Variants in C22orf23 observed in about 807,000 individuals in gnomAD.
The protein encoded by C22orf23 is UPF0193 protein EVG1.
A neutral mutation model predicts 29.7 loss-of-function variants in C22orf23; 30 were observed. The observed-to-expected ratio is 1.01, with a 90% CI of 0.76 to 1.37. The LOEUF is 1.37. Ranked by LOEUF, C22orf23 falls within the 40% of genes most tolerant of loss-of-function variation. C22orf23 has a pLI of 0.00. For missense variants in C22orf23, 237 were observed against 273.1 expected (o/e 0.87, Z 0.93); for synonymous variants, 90 against 96.1 (o/e 0.94, Z 0.37).
chr22:37,953,219 G>A (rs935581538), intron 1 of C22orf23, 61 bp from the exon 2 acceptor site: 1 of 1,168,922 alleles, frequency 8.6e-7, no homozygotes, highest in Non-Finnish European at 1.3e-6. Flanking sequence ...TCTGTTCCCC[G>A]ACGCCCAACA....
chr22:37,947,024 C>G (rs1411714480), intron 4 of C22orf23, among the ~76,000 whole-genome samples: 1 of 151,766 alleles, frequency 6.6e-6, no homozygotes, highest in African/African-American at 2.4e-5. Context: ...GCCCTGATAG[C>G]CCCTATCATC....
chr22:37,950,431 T>A (rs1930945741), intron 3 of C22orf23, among the ~76,000 whole-genome samples: 1 of 151,966 alleles, frequency 6.6e-6, no homozygotes, highest in African/African-American at 2.4e-5. Context: ...TTTATTTTAA[T>A]TTAATTTTAT....
At chr22:37,947,550 A>C in intron 3 of C22orf23, 87 bp from the exon 4 acceptor site, 1 of 1,181,310 alleles carries the variant, frequency 8.5e-7, no homozygotes, top group Non-Finnish European at 1.1e-6. Context: ...TTGCTCTGTC[A>C]CTCAGGCTGG....
At position 37,953,086 on chromosome 22, in the gene C22orf23, T is replaced by C. The variant is rs1025446374; in HGVS notation, c.64A>G (p.Thr22Ala). 25 of 1,613,662 alleles carry C rather than the reference T, an allele frequency of 1.5e-5. No homozygotes were observed. In the African/African-American group the frequency reaches 3.1e-4, roughly 20 times the overall value. The change falls in exon 2 of 7, where the codon ACC becomes GCC. Residue 22 changes from threonine (T) to alanine (A), a missense_variant. Physicochemically the swap from Thr to Ala is moderately conservative, Grantham distance 58. Coordinates refer to ENST00000403305, the MANE Select transcript of C22orf23 (RefSeq NM_032561.5). ...KGTGFRRRPKTITYTPGTCEL... is the reference protein window; with the variant it reads ...KGTGFRRRPKAITYTPGTCEL... ...CAGGTCCCCGGGGTGTAAGTGATGG[T>C]CTTGGGGCGGCGCCGGAACCCAGTT...
At chr22:37,949,948 C>T (rs1489842954) in intron 3 of C22orf23, among the ~76,000 whole-genome samples, 5 of 151,870 alleles carry the variant, frequency 3.3e-5, no homozygotes, top group Non-Finnish European at 5.9e-5. Flanking sequence ...TGTGATTCTC[C>T]TGCCTCAGCT....
chr22:37,951,695 A>G (rs951625988), intron 2 of C22orf23, 173 bp from the exon 3 acceptor site: 3 of 380,878 alleles, frequency 7.9e-6, no homozygotes, highest in African/African-American at 4.3e-5. Context: ...AAAATTCTAT[A>G]TATTTTATTT....
At position 37,943,892 on chromosome 22, in the gene C22orf23, T is replaced by G. The variant is rs1601844665; in HGVS notation, c.*283A>C. 2.0e-6 allele frequency: 1 copy of G among 503,884 alleles called. No homozygotes were observed. Among genetic ancestry groups the G allele is most frequent in the South Asian group, 2.7e-5 (1 of 37,422 alleles). 31.2% of individuals were successfully genotyped at this position (503,884 alleles called of 1,614,324 possible). ...TGAACAGGCCACAGGTCAGAAGTGGTGGGAAGCAGGCCCAGTGGATACCTT... is the reference window on the plus strand; with the variant it reads ...TGAACAGGCCACAGGTCAGAAGTGGGGGGAAGCAGGCCCAGTGGATACCTT... On this transcript the variant is annotated 3_prime_UTR_variant, in exon 7 of 7. Coordinates refer to ENST00000403305, the MANE Select transcript of C22orf23 (RefSeq NM_032561.5).
At chr22:37,953,205 A>T in intron 1 of C22orf23, 47 bp from the exon 2 acceptor site, 1 of 1,350,012 alleles carries the variant, frequency 7.4e-7, no homozygotes, top group Non-Finnish European at 1.0e-6. Flanking sequence ...TCCTGTCCCT[A>T]ATCTCTGTTC....
At chr22:37,946,233 T>G (rs1339184039) in intron 4 of C22orf23, among the ~76,000 whole-genome samples, 1 of 149,424 alleles carries the variant, frequency 6.7e-6, no homozygotes, top group African/African-American at 2.5e-5. Context: ...CACTCCAGCC[T>G]GGGCGACAGA....
At chr22:37,952,999 C>T (rs1931157251) in intron 2 of C22orf23, 48 bp downstream of exon 2, 2 of 1,412,358 alleles carry the variant, frequency 1.4e-6, no homozygotes, top group South Asian at 1.2e-5. Flanking sequence ...TCCACGAAAC[C>T]GGTCCCTGGT....
chr22:37,950,901 C>CT (rs1930972932), intron 3 of C22orf23: 1 of 130,902 alleles, frequency 7.6e-6, no homozygotes. Flanking sequence ...GAGAGAGACT[C>CT]ATCTCAAAAC....
rs115472640 is a variant in C22orf23 at position 37,952,259 on chromosome 22, A to G, written c.104-737T>C. ...TCATGTTTCAGGGGCTGGAGCTACA[A>G]TTGTGGGCCGAAACAGGCACGGTTC... On this transcript the variant is annotated intron_variant, in intron 2 of 6. Transcript: ENST00000403305. 1.0e-3 allele frequency among the ~76,000 whole-genome samples: 152 copies of G among 152,316 alleles called. 1 individual carries two copies. The highest frequency in any genetic ancestry group is 3.4e-3 in the African/African-American group (143 of 41,572).
rs928509639 is a variant in C22orf23, at chr22:37,943,822, C to A, written c.*353G>T. The A allele has an allele frequency of 3.5e-5, 10 of 285,630 alleles. No individual in the cohort carries two copies. Among genetic ancestry groups the A allele is most frequent in the Non-Finnish European group, 5.9e-5 (9 of 151,522 alleles). 17.7% of individuals were successfully genotyped at this position (285,630 alleles called of 1,614,324 possible). The stretch of plus-strand genomic sequence containing the variant: ...GAAATCAAATAAGTAAATCCTAAAA[C>A]AGGAAGAAAGGAATCATATTCATTC... On this transcript the variant is annotated 3_prime_UTR_variant, in exon 7 of 7. Transcript: ENST00000403305.
chr22:37,947,645 G>A (rs1310982914), intron 3 of C22orf23, among the ~76,000 whole-genome samples, 182 bp from the exon 4 acceptor site: 1 of 151,278 alleles, frequency 6.6e-6, no homozygotes, highest in East Asian at 2.0e-4. Flanking sequence ...CAAGTAACTG[G>A]GATTACAGGC....
chr22:37,953,431 CA>C lies in C22orf23; in HGVS notation c.-10+16del. On this transcript the variant is annotated intron_variant, in intron 1 of 6. Transcript: ENST00000403305. Reference sequence around the variant, plus strand: ...CAACAGTACCCACTGAGTGATATGCCAAAATTGAAATTTCACCCTAAGACCC... The same window carrying C: ...CAACAGTACCCACTGAGTGATATGCCAAATTGAAATTTCACCCTAAGACCC... 1 of 537,012 alleles carries C rather than the reference CA, an allele frequency of 1.9e-6. No individual in the cohort carries two copies. Among genetic ancestry groups the C allele is most frequent in the Admixed American group, 3.5e-5 (1 of 28,284 alleles). 33.3% of individuals were successfully genotyped at this position (537,012 alleles called of 1,614,324 possible).
At chr22:37,952,066 T>C (rs1451966531) in intron 2 of C22orf23, among the ~76,000 whole-genome samples, 1 of 152,022 alleles carries the variant, frequency 6.6e-6, no homozygotes, top group Non-Finnish European at 1.5e-5. Context: ...CTGCCCACCT[T>C]GGCCTCCCAA....
chr22:37,953,413 A>G, intron 1 of C22orf23, 35 bp downstream of exon 1: 1 of 554,714 alleles, frequency 1.8e-6, no homozygotes, highest in Non-Finnish European at 3.2e-6. Flanking sequence ...TCACAACAGT[A>G]CCCACTGAGT....
At chr22:37,945,735 G>C in intron 4 of C22orf23, among the ~76,000 whole-genome samples, 1 of 142,280 alleles carries the variant, frequency 7.0e-6, no homozygotes, top group Non-Finnish European at 1.5e-5. Context: ...GAGCTCAAAC[G>C]ATCTGCCAGC....
At chr22:37,950,379 T>C (rs1930942748) in intron 3 of C22orf23, among the ~76,000 whole-genome samples, 2 of 152,100 alleles carry the variant, frequency 1.3e-5, no homozygotes. Context: ...CCCAAAGTGC[T>C]GGGATTACAG....
Sources: allele counts gnomAD v4.1 joint callset (sites outside exome capture counted in the v4.1 genomes callset), GRCh38; gene constraint gnomAD v4.1.1; transcripts MANE v1.5; gene names NCBI Gene and HGNC (gene_info 2026-07-23, HGNC 2026-07-21).